Variants in CAMK4 observed in about 807,000 individuals in gnomAD.
The protein encoded by CAMK4 is calcium/calmodulin-dependent protein kinase type IV.
CAMK4 carries 22 observed loss-of-function variants against 44.9 expected under a neutral mutation model. The observed-to-expected ratio is 0.49, with a 90% CI of 0.35 to 0.70. The LOEUF (loss-of-function observed/expected upper bound fraction) is 0.70. Ranked by LOEUF, CAMK4 falls within the 30% of genes least tolerant of loss-of-function variation. The probability of loss-of-function intolerance (pLI) is 0.01; values close to 1 mark genes in which losing one functional copy is unlikely to be tolerated. For synonymous variants in CAMK4, 218 were observed against 215.4 expected, an observed-to-expected ratio of 1.01 and a Z score of -0.11; for missense variants, 498 against 586.8, an observed-to-expected ratio of 0.85 and a Z score of 1.56.
At chr5:111,382,628 A>C (rs974229594) in intron 4 of CAMK4, among the ~76,000 whole-genome samples, 30 of 152,334 alleles carry the variant, frequency 2.0e-4, no homozygotes, top group African/African-American at 7.0e-4. Flanking sequence ...TTAGAGCAAC[A>C]CATATATAAA....
intron 1 of CAMK4, among the ~76,000 whole-genome samples, chr5:111,280,394 TG>T (rs1750961279): frequency 6.6e-6 from 1 of 152,232 alleles, no homozygotes; most frequent in South Asian, 2.1e-4. Flanking sequence ...CATTATTTTT[TG>T]GGACTCAAAG....
intron 5 of CAMK4, among the ~76,000 whole-genome samples, chr5:111,418,719 T>A (rs1298322596): frequency 6.6e-6 from 1 of 152,102 alleles, no homozygotes; most frequent in Non-Finnish European, 1.5e-5. Context: ...TGTGATAGTT[T>A]ACTGAGAATG....
intron 1 of CAMK4, among the ~76,000 whole-genome samples, chr5:111,323,854 G>A (rs78376554): frequency 0.013 from 2,003 of 152,138 alleles, 41 homozygotes; most frequent in African/African-American, 0.045. Context: ...GGTAATATGA[G>A]AGACACATTT....
intron 1 of CAMK4, among the ~76,000 whole-genome samples, chr5:111,277,331 T>C (rs1400975757): frequency 1.3e-5 from 2 of 152,120 alleles, no homozygotes; most frequent in Non-Finnish European, 2.9e-5. Flanking sequence ...AAAATATCCA[T>C]TGAATTAAAC....
At chr5:111,335,708 C>G (rs1485052733) in intron 1 of CAMK4, among the ~76,000 whole-genome samples, 1 of 151,242 alleles carries the variant, frequency 6.6e-6, no homozygotes, top group Non-Finnish European at 1.5e-5. Context: ...GAGCCTTCCC[C>G]TCCATCCATA....
In CAMK4 at chr5:111,382,271, T is replaced by G. The variant is rs529588147; in HGVS notation, c.386+5329T>G. On this transcript the variant is annotated intron_variant, in intron 4 of 10. Coordinates refer to ENST00000282356, the MANE Select transcript of CAMK4 (RefSeq NM_001744.6). Reference sequence around the variant, plus strand: ...TATGAGTCCTAATAGTAATCTGTACTTCAGCATTTCTAGATCTCTCATTCT... The same window carrying G: ...TATGAGTCCTAATAGTAATCTGTACGTCAGCATTTCTAGATCTCTCATTCT... 2.6e-5 allele frequency among the ~76,000 whole-genome samples: 4 copies of G among 152,282 alleles called. No homozygotes were observed. In the East Asian group the frequency reaches 7.7e-4, roughly 29 times the overall value.
chr5:111,425,819 A>G (rs1418721759), intron 5 of CAMK4, among the ~76,000 whole-genome samples: 3 of 152,164 alleles, frequency 2.0e-5, no homozygotes, highest in South Asian at 2.1e-4. Flanking sequence ...TTAATATTAC[A>G]TTTCTACCTT....
chr5:111,355,831 C>G (rs948108887), intron 2 of CAMK4, among the ~76,000 whole-genome samples: 1 of 147,198 alleles, frequency 6.8e-6, no homozygotes, highest in Non-Finnish European at 1.5e-5. Context: ...AGGACATGAA[C>G]TCATCATTTT....
At chr5:111,280,266 A>C (rs185690609) in intron 1 of CAMK4, among the ~76,000 whole-genome samples, 1 of 152,362 alleles carries the variant, frequency 6.6e-6, no homozygotes, top group African/African-American at 2.4e-5. Flanking sequence ...ATAACATCTT[A>C]CTTTTAAAAA....
chr5:111,400,129 G>GT (rs1752169339), intron 5 of CAMK4, among the ~76,000 whole-genome samples: 1 of 105,144 alleles, frequency 9.5e-6, no homozygotes, highest in Non-Finnish European at 1.9e-5. Context: ...ATTGTTGAGG[G>GT]TTTGTTTTTT....
chr5:111,295,934 C>T (rs978499618), intron 1 of CAMK4, among the ~76,000 whole-genome samples: 4 of 152,280 alleles, frequency 2.6e-5, no homozygotes, highest in African/African-American at 7.2e-5. Flanking sequence ...TCATTTGCTA[C>T]GTAGTTGAAC....
intron 5 of CAMK4, among the ~76,000 whole-genome samples, chr5:111,441,449 C>T (rs1242324592): frequency 6.6e-6 from 1 of 152,064 alleles, no homozygotes; most frequent in Non-Finnish European, 1.5e-5. Context: ...TTTTCATTAA[C>T]TTGTATACCC....
At chr5:111,268,884 A>T (rs1411566757) in intron 1 of CAMK4, among the ~76,000 whole-genome samples, 5 of 152,154 alleles carry the variant, frequency 3.3e-5, no homozygotes, top group Middle Eastern at 3.4e-3. Flanking sequence ...GATCTATTGA[A>T]AAGGAAAGAT....
chr5:111,396,093 T>C (rs1561461006), intron 5 of CAMK4, among the ~76,000 whole-genome samples: 1 of 152,036 alleles, frequency 6.6e-6, no homozygotes, highest in African/African-American at 2.4e-5. Flanking sequence ...GACTCTGATA[T>C]CTAACTAGCC....
At chr5:111,364,158 G>C (rs1042543128) in intron 2 of CAMK4, among the ~76,000 whole-genome samples, 1 of 151,074 alleles carries the variant, frequency 6.6e-6, no homozygotes, top group Non-Finnish European at 1.5e-5. Context: ...TTTGGAAGTG[G>C]GAGGGGATGG....
At chr5:111,354,524 G>A (rs930602128) in intron 2 of CAMK4, among the ~76,000 whole-genome samples, 5 of 151,372 alleles carry the variant, frequency 3.3e-5, no homozygotes, top group African/African-American at 1.2e-4. Flanking sequence ...GCGTACATCA[G>A]AACGTCACAT....
intron 1 of CAMK4, among the ~76,000 whole-genome samples, chr5:111,243,519 C>T (rs1245325678): frequency 6.6e-6 from 1 of 152,196 alleles, no homozygotes; most frequent in Non-Finnish European, 1.5e-5. Flanking sequence ...ATCTTTGTCA[C>T]ACAGGGTAGA....
intron 5 of CAMK4, among the ~76,000 whole-genome samples, chr5:111,413,920 T>C (rs975398961): frequency 6.6e-6 from 1 of 151,922 alleles, no homozygotes; most frequent in African/African-American, 2.4e-5. Context: ...AAAAGTGTCA[T>C]AAACTGATAA....
intron 1 of CAMK4, among the ~76,000 whole-genome samples, chr5:111,256,625 C>G (rs900948438): frequency 6.6e-6 from 1 of 152,196 alleles, no homozygotes; most frequent in Non-Finnish European, 1.5e-5. Context: ...CCTTTTCTTA[C>G]CAATCAATAT....
Sources: gnomAD v4.1 joint callset for allele counts (sites outside exome capture counted in the v4.1 genomes callset) on GRCh38, gnomAD v4.1.1 for gene constraint, MANE v1.5 for transcripts, NCBI Gene and HGNC (gene_info 2026-07-23, HGNC 2026-07-21) for gene names.